RPL14: variants seen among roughly 807,000 people sequenced by gnomAD.
RPL14 encodes the protein ribosomal protein L14.
A neutral mutation model predicts 25.3 loss-of-function variants in RPL14; 4 were observed. That is an observed-to-expected ratio of 0.16 (90% CI 0.08 to 0.36). The LOEUF (loss-of-function observed/expected upper bound fraction) is 0.36, where lower values mean the gene tolerates loss of function less well. RPL14 is among the 10% of genes least tolerant of loss of function. The pLI is 1.00. For synonymous variants in RPL14, 75 were observed against 89.8 expected, an observed-to-expected ratio of 0.84 and a Z score of 0.93; for missense variants, 212 against 261.9, an observed-to-expected ratio of 0.81 and a Z score of 1.31.
At position 40,461,987 on chromosome 3, in the gene RPL14, C is replaced by T; in HGVS notation, c.403C>T (p.Leu135Phe). The T allele has an allele frequency of 6.2e-7, 1 of 1,605,148 alleles. No individual in the cohort carries two copies. Among genetic ancestry groups the T allele is most frequent in the Non-Finnish European group, 8.5e-7 (1 of 1,174,544 alleles). ...NEVKKLQKAA[L>F]LKASPKKAPG... is the part of the protein sequence containing the mutation. ...AGTTAAGAAGCTTCAAAAGGCAGCT[C>T]TCCTGAAAGCTTCTCCCAAAAAAGC... Residue 135 changes from leucine to phenylalanine, a missense_variant, in exon 6 of 6, where the codon CTC becomes TTC. Physicochemically the swap from Leu to Phe is conservative, Grantham distance 22 (BLOSUM62 0). This residue lies in a region of RPL14 where 143 missense variants were observed against 180.3 expected (regional missense o/e 0.79). Coordinates refer to ENST00000396203, the MANE Select transcript of RPL14 (RefSeq NM_001034996.3).
rs1269847101 is a variant in RPL14, at chr3:40,467,120, A to G, written c.*4888A>G. 6.6e-6 allele frequency: 1 copy of G among 152,202 alleles called. No homozygotes were observed. The highest frequency in any genetic ancestry group is 1.5e-5 in the Non-Finnish European group (1 of 68,044). The allele number at this position is 152,202 out of a possible 1,614,324, so 9.4% of individuals were successfully genotyped here. On this transcript the variant is annotated 3_prime_UTR_variant, in exon 6 of 6. Coordinates refer to ENST00000396203, the MANE Select transcript of RPL14 (RefSeq NM_001034996.3). ...AGACATTTTTTAATGTGTTTGTAAT[A>G]TAGGTACATAAAAATATATGTGCTT...
chr3:40,458,678 C>A lies in RPL14; in HGVS notation c.142C>A (p.Gln48Lys). Residue 48 changes from glutamine (Q) to lysine (K), a missense_variant, in exon 3 of 6, where the codon CAG becomes AAG. This residue lies in a region of RPL14 where 143 missense variants were observed against 180.3 expected (regional missense o/e 0.79). Transcript: ENST00000396203. ...VDGPCTQVRR[Q>K]AMPFKCMQLT... ...TGGACCTTGCACTCAAGTGAGGAGA[C>A]AGGCCATGCCTTTCAAGTGCATGCA... 3.1e-6 allele frequency: 5 copies of A among 1,614,164 alleles called. No individual in the cohort carries two copies. The highest frequency in any genetic ancestry group is 4.2e-6 in the Non-Finnish European group (5 of 1,180,016).
chr3:40,457,399 C>G lies in RPL14; in HGVS notation c.-73C>G. On this transcript the variant is annotated 5_prime_UTR_variant, in exon 1 of 6. Coordinates refer to ENST00000396203, the MANE Select transcript of RPL14 (RefSeq NM_001034996.3). ...CTGTTGCGGGCTCCGGGGCCGTCGACCATGCCGCTCGACCTCCACCTCCGC... is the reference window on the plus strand; with the variant it reads ...CTGTTGCGGGCTCCGGGGCCGTCGAGCATGCCGCTCGACCTCCACCTCCGC... The G allele has an allele frequency of 6.3e-7, 1 of 1,599,360 alleles. No homozygotes were observed. Among genetic ancestry groups the G allele is most frequent in the Non-Finnish European group, 8.5e-7 (1 of 1,172,392 alleles).
In RPL14 at chr3:40,457,963, C is replaced by T. The variant is rs549220896; in HGVS notation, c.77C>T (p.Ala26Val). The T allele has an allele frequency of 1.7e-5, 27 of 1,614,082 alleles. No homozygotes were observed. The East Asian group carries it at 2.0e-4, about 12-fold the overall frequency. The change falls in exon 2 of 6, where the codon GCG (alanine) becomes GTG (valine). Residue 26 changes from alanine (A) to valine (V), a missense_variant. Coordinates refer to ENST00000396203, the MANE Select transcript of RPL14 (RefSeq NM_001034996.3). ...GGACCTCATGCCGGAAAATTGGTCG[C>T]GATTGTAGATGTTATTGATCAGAAC... is the stretch of plus-strand genomic sequence containing the variant. ...SFGPHAGKLV[A>V]IVDVIDQNRA...
At position 40,462,210 on chromosome 3, in the gene RPL14, A is replaced by G. The variant is rs15370; in HGVS notation, c.626A>G (p.Lys209Arg). 6.3e-7 allele frequency: 1 copy of G among 1,595,626 alleles called. No individual in the cohort carries two copies. Among genetic ancestry groups the G allele is most frequent in the Non-Finnish European group, 8.5e-7 (1 of 1,175,016 alleles). ...CCAGCCCAGAAAGCACCTGCTCCAA[A>G]GGCATCTGGCAAGAAAGCATAAGTG... Reference protein sequence around the residue: ...KAPAQKAPAPKASGKKA With the variant: ...KAPAQKAPAPRASGKKA Residue 209 changes from lysine to arginine, a missense_variant, in exon 6 of 6, where the codon AAG becomes AGG. By Grantham distance (26) the Lys-to-Arg change is conservative. Coordinates refer to ENST00000396203, the MANE Select transcript of RPL14 (RefSeq NM_001034996.3).
rs929099541 is a variant in RPL14 at position 40,461,996 on chromosome 3, G to T, written c.412G>T (p.Ala138Ser). ...GCTTCAAAAGGCAGCTCTCCTGAAA[G>T]CTTCTCCCAAAAAAGCACCTGGTAC... ...KKLQKAALLK[A>S]SPKKAPGTKG... The change falls in exon 6 of 6, where the codon GCT (alanine) becomes TCT (serine). Residue 138 changes from alanine to serine, a missense_variant. By Grantham distance (99) the Ala-to-Ser change is moderately conservative (BLOSUM62 1). This residue lies in a region of RPL14 where 143 missense variants were observed against 180.3 expected (regional missense o/e 0.79). Transcript: ENST00000396203. 29 of 1,605,308 alleles carry T rather than the reference G, an allele frequency of 1.8e-5. No homozygotes were observed. Among genetic ancestry groups the T allele is most frequent in the Non-Finnish European group, 2.4e-5 (28 of 1,174,576 alleles).
rs548880183 is a variant in RPL14 at position 40,465,164 on chromosome 3, T to A, written c.*2932T>A. On this transcript the variant is annotated 3_prime_UTR_variant, in exon 6 of 6. Transcript: ENST00000396203. ...TTCCCCAGGGGTAGGATGACAACAA[T>A]CAAGAGACGAATAGAGGTTGGAAAG... The A allele has an allele frequency of 1.9e-4, 29 of 151,884 alleles. No homozygotes were observed. Among genetic ancestry groups the A allele is most frequent in the Admixed American group, 5.2e-4 (8 of 15,254 alleles). The allele number at this position is 151,884 out of a possible 1,614,324, so 9.4% of individuals were successfully genotyped here. A position where few individuals can be genotyped will look rare whatever the true frequency, so the allele number is the denominator to read the frequency against.
chr3:40,460,245 C>A (rs528344671), intron 3 of RPL14, among the ~76,000 whole-genome samples: 77 of 152,086 alleles, frequency 5.1e-4, no homozygotes, highest in African/African-American at 1.8e-3. Context: ...ATGAATGGCT[C>A]GGATGTGTGC....
intron 3 of RPL14, among the ~76,000 whole-genome samples, chr3:40,459,345 G>T (rs1250073805): frequency 5.3e-5 from 8 of 152,202 alleles, no homozygotes; most frequent in Middle Eastern, 3.4e-3. Context: ...ATTGCTACTA[G>T]CTATCATTAG....
intron 5 of RPL14, 41 bp downstream of exon 5, chr3:40,461,702 A>T (rs1190815396): frequency 6.5e-7 from 1 of 1,550,188 alleles, no homozygotes; most frequent in African/African-American, 1.4e-5. Flanking sequence ...CTTAGCTTTA[A>T]ATAATAAGGG....
chr3:40,462,352 T>G lies in RPL14; in HGVS notation c.*120T>G, dbSNP rs1696954984. 8.7e-6 allele frequency: 7 copies of G among 804,896 alleles called. No individual in the cohort carries two copies. The highest frequency in any genetic ancestry group is 1.3e-5 in the Non-Finnish European group (7 of 534,358). 49.9% of individuals were successfully genotyped at this position (804,896 alleles called of 1,614,324 possible). Reference sequence around the variant, plus strand: ...AGGCAGATTGATAGTAGGATTATAATAAACATTAAATAATCAGTTCCTTTT... The same window carrying G: ...AGGCAGATTGATAGTAGGATTATAAGAAACATTAAATAATCAGTTCCTTTT... On this transcript the variant is annotated 3_prime_UTR_variant, in exon 6 of 6. Coordinates refer to ENST00000396203, the MANE Select transcript of RPL14 (RefSeq NM_001034996.3).
In RPL14 at chr3:40,462,373, C is replaced by CATTT. The variant is rs770381795; in HGVS notation, c.*141_*142insATTT. ...ATAATAAACATTAAATAATCAGTTC[C>CATTT]TTTTTTTTTTTTTTTTTTTTTGAGA... On this transcript the variant is annotated 3_prime_UTR_variant, in exon 6 of 6. Coordinates refer to ENST00000396203, the MANE Select transcript of RPL14 (RefSeq NM_001034996.3). 15 of 332,504 alleles carry CATTT rather than the reference C, an allele frequency of 4.5e-5. No homozygotes were observed. The highest frequency in any genetic ancestry group is 1.4e-5 in the Non-Finnish European group (3 of 209,528). The allele number at this position is 332,504 out of a possible 1,614,324, so 20.6% of individuals were successfully genotyped here.
intron 3 of RPL14, among the ~76,000 whole-genome samples, chr3:40,460,634 C>T (rs1424530861): frequency 6.7e-6 from 1 of 148,408 alleles, no homozygotes; most frequent in African/African-American, 2.5e-5. Context: ...TTTCTTTTGA[C>T]ACGGAGTCTC....
intron 3 of RPL14, among the ~76,000 whole-genome samples, chr3:40,459,698 A>T (rs894459585): frequency 2.0e-5 from 3 of 151,902 alleles, no homozygotes; most frequent in Non-Finnish European, 4.4e-5. Context: ...TACTAAAAAT[A>T]CAAAAAAAAA....
intron 3 of RPL14, chr3:40,459,184 A>C (rs1696891397): frequency 6.5e-6 from 1 of 153,644 alleles, no homozygotes; most frequent in Non-Finnish European, 1.4e-5. Flanking sequence ...ACCCTGTCTC[A>C]AAAATAAATA....
At chr3:40,459,981 G>A (rs139004303) in intron 3 of RPL14, among the ~76,000 whole-genome samples, 27 of 151,626 alleles carry the variant, frequency 1.8e-4, no homozygotes, top group African/African-American at 5.8e-4. Context: ...GAACAACCTC[G>A]AGTGAACATA....
chr3:40,458,874 A>G (rs953438667), intron 3 of RPL14, 138 bp downstream of exon 3: 98 of 690,982 alleles, frequency 1.4e-4, no homozygotes, highest in Middle Eastern at 4.8e-4. Context: ...GACAGGGATT[A>G]TTTACTTTTA....
Sources: gnomAD v4.1 joint callset for allele counts (sites outside exome capture counted in the v4.1 genomes callset) on GRCh38, gnomAD v4.1.1 for gene constraint, gnomAD v4.1.1 regional missense constraint, MANE v1.5 for transcripts, NCBI Gene and HGNC (gene_info 2026-07-23, HGNC 2026-07-21) for gene names.